The following SPIRE1 variants were observed in gnomAD, a reference collection of about 807,000 sequenced individuals.
The protein encoded by SPIRE1 is protein spire homolog 1.
Under a neutral mutation model 94.1 loss-of-function variants are expected in SPIRE1, and 40 were observed. That is an observed-to-expected ratio of 0.43 (90% CI 0.33 to 0.55). The LOEUF is 0.55. SPIRE1 is among the 20% of genes least tolerant of loss of function. SPIRE1 has a pLI of 0.06. For synonymous variants in SPIRE1, 376 were observed against 371.7 expected, an observed-to-expected ratio of 1.01 and a Z score of -0.13; for missense variants, 838 against 975.2, an observed-to-expected ratio of 0.86 and a Z score of 1.87.
intron 12 of SPIRE1, among the ~76,000 whole-genome samples, chr18:12,456,300 G>A (rs2031504069): frequency 6.6e-6 from 1 of 152,184 alleles, no homozygotes; most frequent in African/African-American, 2.4e-5. Context: ...GTGTTAGGTG[G>A]GAACAATAAA....
intron 3 of SPIRE1, among the ~76,000 whole-genome samples, chr18:12,536,665 C>T (rs1325067126): frequency 1.3e-5 from 2 of 152,160 alleles, no homozygotes; most frequent in Admixed American, 1.3e-4. Context: ...AGTCCATAAT[C>T]CCCACCCAAC....
chr18:12,623,854 C>T (rs1275444357), intron 2 of SPIRE1, among the ~76,000 whole-genome samples: 6 of 151,996 alleles, frequency 3.9e-5, no homozygotes, highest in African/African-American at 1.2e-4. Flanking sequence ...TCTCGAACTC[C>T]TGACCTCAGG....
intron 12 of SPIRE1, among the ~76,000 whole-genome samples, chr18:12,458,692 G>GAT (rs1416339021): frequency 6.6e-6 from 1 of 152,162 alleles, no homozygotes; most frequent in Non-Finnish European, 1.5e-5. Flanking sequence ...TTAGTGTTCA[G>GAT]ATATCTCTGT....
rs1598425893 is a variant in SPIRE1, at chr18:12,511,935, T to C, written c.807+519A>G. Among the ~76,000 whole-genome samples, 4 of 152,256 alleles carry C rather than the reference T, an allele frequency of 2.6e-5. No individual in the cohort carries two copies. In the South Asian group the frequency reaches 8.3e-4, roughly 32 times the overall value. On this transcript the variant is annotated intron_variant, in intron 5 of 16. Coordinates refer to ENST00000409402, the MANE Select transcript of SPIRE1 (RefSeq NM_001128626.2). ...AATAATAATAAAAATCCTCCTATTTTAGTGATAGGGTCTCACTATGTTGTC... is the reference window on the plus strand; with the variant it reads ...AATAATAATAAAAATCCTCCTATTTCAGTGATAGGGTCTCACTATGTTGTC...
chr18:12,604,314 C>T lies in SPIRE1; in HGVS notation c.372+30748G>A, dbSNP rs1313381585. On this transcript the variant is annotated intron_variant, in intron 2 of 16. Coordinates refer to ENST00000409402, the MANE Select transcript of SPIRE1 (RefSeq NM_001128626.2). ...CCAGCAAGAGAGCATCAGAACGGAA[C>T]TGAATTAGAGGACACGCAGCTGGTG... Among the ~76,000 whole-genome samples the T allele has an allele frequency of 3.9e-5, 6 of 152,242 alleles. No homozygotes were observed. The East Asian group carries it at 1.2e-3, about 29-fold the overall frequency.
intron 4 of SPIRE1, among the ~76,000 whole-genome samples, chr18:12,530,828 T>C (rs1234167169): frequency 6.6e-6 from 1 of 152,208 alleles, no homozygotes; most frequent in Non-Finnish European, 1.5e-5. Flanking sequence ...AACAGTGTAC[T>C]CTTATGATAC....
At chr18:12,497,561 C>T (rs1376171769) in intron 6 of SPIRE1, among the ~76,000 whole-genome samples, 1 of 152,108 alleles carries the variant, frequency 6.6e-6, no homozygotes, top group Non-Finnish European at 1.5e-5. Context: ...TATGCTAGTC[C>T]TCCCTCTCCC....
intron 3 of SPIRE1, among the ~76,000 whole-genome samples, chr18:12,542,490 G>C (rs895110873): frequency 6.6e-6 from 1 of 151,966 alleles, no homozygotes; most frequent in African/African-American, 2.4e-5. Context: ...TCTTCTATTT[G>C]TTTTCCCATC....
intron 10 of SPIRE1, among the ~76,000 whole-genome samples, chr18:12,473,455 A>C (rs2032441255): frequency 6.6e-6 from 1 of 152,224 alleles, no homozygotes; most frequent in African/African-American, 2.4e-5. Context: ...AGAAAACTGG[A>C]AACAGCCTAA....
intron 14 of SPIRE1, chr18:12,452,716 G>T: frequency 3.2e-6 from 2 of 628,304 alleles, no homozygotes; most frequent in Admixed American, 5.6e-5. Context: ...TCCTATAAAA[G>T]GATCAACTTA....
intron 2 of SPIRE1, among the ~76,000 whole-genome samples, chr18:12,628,176 T>C (rs2037683005): frequency 6.6e-6 from 1 of 152,228 alleles, no homozygotes; most frequent in African/African-American, 2.4e-5. Context: ...CTAGGGTTTT[T>C]ATAGCGTTAG....
Position 12,527,853 on chromosome 18 carries a change from T to G in SPIRE1, c.729+7623A>C, listed in dbSNP as rs552362254. The stretch of plus-strand genomic sequence containing the variant: ...AGGCCGAGGTGGGTGGATCACGAGG[T>G]CAGGAGATGGAGACCATCCTGGCTA... On this transcript the variant is annotated intron_variant, in intron 4 of 16. Coordinates refer to ENST00000409402, the MANE Select transcript of SPIRE1 (RefSeq NM_001128626.2). 4.9e-3 allele frequency among the ~76,000 whole-genome samples: 739 copies of G among 152,140 alleles called. 5 individuals carry two copies. The highest frequency in any genetic ancestry group is 0.016 in the African/African-American group (682 of 41,484).
intron 2 of SPIRE1, among the ~76,000 whole-genome samples, chr18:12,585,336 T>C (rs375214847): frequency 6.6e-6 from 1 of 152,110 alleles, no homozygotes; most frequent in Non-Finnish European, 1.5e-5. Flanking sequence ...AAAAACTTCA[T>C]GATAGGAAGG....
At chr18:12,555,376 C>T (rs2035475173) in intron 2 of SPIRE1, among the ~76,000 whole-genome samples, 1 of 151,978 alleles carries the variant, frequency 6.6e-6, no homozygotes. Context: ...AAAAAGAAAT[C>T]TACAGGTCAT....
At chr18:12,548,300 CA>C (rs1269322336) in intron 2 of SPIRE1, among the ~76,000 whole-genome samples, 1 of 152,024 alleles carries the variant, frequency 6.6e-6, no homozygotes, top group African/African-American at 2.4e-5. Flanking sequence ...AAGTGCATCA[CA>C]AATAAAAAAG....
intron 3 of SPIRE1, among the ~76,000 whole-genome samples, chr18:12,541,505 G>A (rs2035014802): frequency 6.6e-6 from 1 of 152,148 alleles, no homozygotes; most frequent in Non-Finnish European, 1.5e-5. Context: ...GTTACTAGGT[G>A]CACATAAATT....
At chr18:12,587,852 A>T (rs1248424861) in intron 2 of SPIRE1, among the ~76,000 whole-genome samples, 1 of 152,196 alleles carries the variant, frequency 6.6e-6, no homozygotes, top group Non-Finnish European at 1.5e-5. Context: ...TCACCATACA[A>T]TGCACCCAAA....
chr18:12,640,300 C>T lies in SPIRE1; in HGVS notation c.338-5204G>A, dbSNP rs188618936. On this transcript the variant is annotated intron_variant, in intron 1 of 16. Coordinates refer to ENST00000409402, the MANE Select transcript of SPIRE1 (RefSeq NM_001128626.2). ...CTCAGAATTATTCTCCAGCTTTTTA[C>T]TATGTGACCAAATTCTAGACAATGT... Among the ~76,000 whole-genome samples, 138 of 152,288 alleles carry T rather than the reference C, an allele frequency of 9.1e-4. 1 individual carries two copies. Among genetic ancestry groups the T allele is most frequent in the African/African-American group, 3.2e-3 (132 of 41,566 alleles).
intron 2 of SPIRE1, among the ~76,000 whole-genome samples, chr18:12,561,268 ATT>A (rs34495303): frequency 2.8e-3 from 374 of 134,856 alleles, no homozygotes; most frequent in Middle Eastern, 7.8e-3. Flanking sequence ...GAATAGATCA[ATT>A]TTTTTTTTTT....
Sources: gnomAD v4.1 joint callset for allele counts (sites outside exome capture counted in the v4.1 genomes callset) on GRCh38, gnomAD v4.1.1 for gene constraint, MANE v1.5 for transcripts, NCBI Gene and HGNC (gene_info 2026-07-23, HGNC 2026-07-21) for gene names.